The following BLTP1 variants were observed in gnomAD, a reference collection of about 807,000 sequenced individuals.
BLTP1 encodes fragile site-associated protein.
chr4:122,172,780 T>C, the BLTP1 span, among the ~76,000 whole-genome samples: 1 of 152,226 alleles, frequency 6.6e-6, no homozygotes, highest in African/African-American at 2.4e-5. Context: ...CCATATTTTT[T>C]ACATAATGTT....
chr4:122,280,979 C>G, the BLTP1 span, among the ~76,000 whole-genome samples: 1 of 152,162 alleles, frequency 6.6e-6, no homozygotes, highest in Non-Finnish European at 1.5e-5. Context: ...GTTGAAAAAT[C>G]AGACCCTGGA....
At chr4:122,326,405 G>T in the BLTP1 span, among the ~76,000 whole-genome samples, 1 of 151,524 alleles carries the variant, frequency 6.6e-6, no homozygotes, top group African/African-American at 2.4e-5. Context: ...GATCTTTTTT[G>T]TCAAGGTACA....
the BLTP1 span, among the ~76,000 whole-genome samples, chr4:122,263,899 A>C: frequency 6.6e-6 from 1 of 152,196 alleles, no homozygotes; most frequent in South Asian, 2.1e-4. Flanking sequence ...TTACAACATC[A>C]TATACTTGAT....
the BLTP1 span, among the ~76,000 whole-genome samples, chr4:122,180,307 GTT>G: frequency 1.3e-5 from 2 of 151,890 alleles, no homozygotes; most frequent in Admixed American, 6.6e-5. Flanking sequence ...ATAAATACTA[GTT>G]TTTTTCTCTT....
the BLTP1 span, chr4:122,174,166 T>C: frequency 1.0e-6 from 1 of 983,344 alleles, no homozygotes; most frequent in Non-Finnish European, 1.2e-6. Context: ...TACCTTTTAG[T>C]CGACATAAAA....
the BLTP1 span, chr4:122,219,264 CA>C: frequency 1.6e-5 from 25 of 1,545,036 alleles, no homozygotes; most frequent in Non-Finnish European, 2.1e-5. Context: ...GCATAATTTA[CA>C]AATTTAGGCT....
chr4:122,254,790 A>T, the BLTP1 span: 1 of 1,504,720 alleles, frequency 6.6e-7, no homozygotes, highest in East Asian at 2.4e-5. Context: ...ATAATTTTTT[A>T]TTTATGTTAA....
the BLTP1 span, chr4:122,226,795 T>TA: frequency 6.2e-7 from 1 of 1,613,110 alleles, no homozygotes; most frequent in Non-Finnish European, 8.5e-7. Flanking sequence ...TCAGTTATAA[T>TA]ATGTCAGCAT....
the BLTP1 span, chr4:122,331,151 G>T: frequency 2.2e-6 from 2 of 928,432 alleles, no homozygotes; most frequent in East Asian, 1.2e-4. Context: ...GCATATAATA[G>T]TTATTCAGTA....
chr4:122,285,982 A>G, the BLTP1 span, among the ~76,000 whole-genome samples: 3 of 152,240 alleles, frequency 2.0e-5, no homozygotes, highest in East Asian at 5.8e-4. Context: ...AATTCATAAC[A>G]TATCCTTATT....
At chr4:122,328,026 A>C in the BLTP1 span, 2 of 1,096,028 alleles carry the variant, frequency 1.8e-6, no homozygotes, top group Non-Finnish European at 2.5e-6. Flanking sequence ...GATAATTTTT[A>C]AATGTTTAAA....
At chr4:122,158,728 G>A in the BLTP1 span, among the ~76,000 whole-genome samples, 14 of 152,182 alleles carry the variant, frequency 9.2e-5, 1 homozygote, top group South Asian at 1.5e-3. Context: ...CTGAGATTGC[G>A]CCACTGCACT....
chr4:122,310,973 C>T, the BLTP1 span: 1 of 780,444 alleles, frequency 1.3e-6, no homozygotes, highest in Non-Finnish European at 1.6e-6. Flanking sequence ...AATAGTTATA[C>T]ATGGCTTTTT....
the BLTP1 span, among the ~76,000 whole-genome samples, chr4:122,159,435 C>G: frequency 6.7e-6 from 1 of 150,334 alleles, no homozygotes; most frequent in Non-Finnish European, 1.5e-5. Flanking sequence ...GCACTCCAGC[C>G]TGGGCAACAG....
chr4:122,307,598 A>G, the BLTP1 span: 2 of 985,330 alleles, frequency 2.0e-6, no homozygotes, highest in Non-Finnish European at 2.4e-6. Context: ...AAAAGAAGTA[A>G]CAGCTCTACA....
At chr4:122,245,902 G>A in the BLTP1 span, among the ~76,000 whole-genome samples, 5 of 152,178 alleles carry the variant, frequency 3.3e-5, no homozygotes, top group East Asian at 5.8e-4. Context: ...TGTAATTACT[G>A]TACCATTTTT....
the BLTP1 span, chr4:122,304,742 G>A: frequency 6.3e-7 from 1 of 1,593,536 alleles, no homozygotes; most frequent in Non-Finnish European, 8.6e-7. Context: ...CATTTGAGTA[G>A]GTATATGTTG....
chr4:122,209,736 A>G, the BLTP1 span: 7 of 1,501,092 alleles, frequency 4.7e-6, no homozygotes, highest in Non-Finnish European at 5.3e-6. Flanking sequence ...TAATAATAAA[A>G]TTTGATTATC....
chr4:122,343,204 C>G, the BLTP1 span, among the ~76,000 whole-genome samples: 1 of 152,196 alleles, frequency 6.6e-6, no homozygotes, highest in East Asian at 1.9e-4. Flanking sequence ...ACAGAGTATT[C>G]AACCCTGGTG....
Sources: gnomAD v4.1 joint callset for allele counts (sites outside exome capture counted in the v4.1 genomes callset) on GRCh38, gnomAD v4.1.1 for gene constraint, MANE v1.5 for transcripts, NCBI Gene and HGNC (gene_info 2026-07-23, HGNC 2026-07-21) for gene names.